PITPNB: variants seen among roughly 807,000 people sequenced by gnomAD.
The protein encoded by PITPNB is phosphatidylinositol transfer protein beta isoform.
In PITPNB, 16 loss-of-function variants were observed where a neutral mutation model predicts 45.9. The observed-to-expected ratio is 0.35, with a 90% CI of 0.24 to 0.53. PITPNB has a LOEUF of 0.53. Among genes scored for constraint, PITPNB ranks in the 20% least tolerant of loss-of-function variants. The probability of loss-of-function intolerance (pLI) is 0.93; values close to 1 mark genes in which losing one functional copy is unlikely to be tolerated. For missense variants in PITPNB, 188 were observed against 330.5 expected, an observed-to-expected ratio of 0.57 and a Z score of 3.34; for synonymous variants, 112 against 108.9, an observed-to-expected ratio of 1.03 and a Z score of -0.18.
chr22:27,905,338 C>T (rs764776313), intron 3 of PITPNB, among the ~76,000 whole-genome samples: 7 of 151,998 alleles, frequency 4.6e-5, no homozygotes, highest in Non-Finnish European at 7.4e-5. Flanking sequence ...TTAGTAGAGA[C>T]GGGGTTTCAC....
At chr22:27,899,196 A>C (rs560512876) in intron 3 of PITPNB, among the ~76,000 whole-genome samples, 1 of 152,372 alleles carries the variant, frequency 6.6e-6, no homozygotes, top group African/African-American at 2.4e-5. Flanking sequence ...AGCTCAAAAA[A>C]TGGTAGTTAC....
At chr22:27,864,119 T>C (rs1934412745) in intron 8 of PITPNB, among the ~76,000 whole-genome samples, 2 of 152,152 alleles carry the variant, frequency 1.3e-5, no homozygotes, top group South Asian at 2.1e-4. Context: ...AACATAAACA[T>C]TACCAGAAGA....
intron 8 of PITPNB, among the ~76,000 whole-genome samples, chr22:27,869,557 C>A (rs538161914): frequency 6.6e-6 from 1 of 152,018 alleles, no homozygotes; most frequent in Non-Finnish European, 1.5e-5. Flanking sequence ...CACGTGAACC[C>A]GGATGTGTTT....
intron 8 of PITPNB, among the ~76,000 whole-genome samples, chr22:27,871,838 G>T (rs1934669383): frequency 6.6e-6 from 1 of 152,050 alleles, no homozygotes; most frequent in Admixed American, 6.5e-5. Context: ...CATCATGACT[G>T]CAGATCCTTC....
chr22:27,905,679 G>T (rs1249889291), intron 3 of PITPNB, among the ~76,000 whole-genome samples: 2 of 152,206 alleles, frequency 1.3e-5, no homozygotes, highest in Non-Finnish European at 2.9e-5. Flanking sequence ...GAAACAAGGT[G>T]GTTCTGGAGT....
At chr22:27,909,517 G>A (rs1427824359) in intron 3 of PITPNB, among the ~76,000 whole-genome samples, 1 of 151,932 alleles carries the variant, frequency 6.6e-6, no homozygotes, top group African/African-American at 2.4e-5. Context: ...AATTCAAATG[G>A]TCAATTAACA....
At chr22:27,867,793 C>T (rs1452680367) in intron 8 of PITPNB, among the ~76,000 whole-genome samples, 2 of 152,202 alleles carry the variant, frequency 1.3e-5, no homozygotes, top group African/African-American at 4.8e-5. Context: ...GTGCCTGAAT[C>T]CTTCAACTCT....
intron 7 of PITPNB, among the ~76,000 whole-genome samples, chr22:27,891,854 T>C (rs1159475606): frequency 4.6e-5 from 7 of 152,210 alleles, no homozygotes; most frequent in African/African-American, 1.2e-4. Context: ...CAGACTAATA[T>C]ACTCTTAAGT....
chr22:27,865,300 A>G (rs1430736817), intron 8 of PITPNB, among the ~76,000 whole-genome samples: 2 of 152,212 alleles, frequency 1.3e-5, no homozygotes, highest in African/African-American at 2.4e-5. Flanking sequence ...TTCTTCTTTC[A>G]CTATAAACAA....
At chr22:27,902,164 C>T (rs577402534) in intron 3 of PITPNB, among the ~76,000 whole-genome samples, 11 of 152,092 alleles carry the variant, frequency 7.2e-5, no homozygotes, top group African/African-American at 2.2e-4. Context: ...CAAGGGTATT[C>T]GGGAAGGCCT....
chr22:27,917,698 G>A (rs181286672), intron 1 of PITPNB, among the ~76,000 whole-genome samples: 2 of 152,172 alleles, frequency 1.3e-5, no homozygotes, highest in Non-Finnish European at 2.9e-5. Context: ...TACATGCGAG[G>A]GACTATTCTA....
At chr22:27,904,973 A>G (rs1012957461) in intron 3 of PITPNB, among the ~76,000 whole-genome samples, 11 of 152,236 alleles carry the variant, frequency 7.2e-5, no homozygotes, top group Admixed American at 5.2e-4. Context: ...AGGAAACAAT[A>G]TATTTCAGAA....
chr22:27,869,068 G>T (rs892380878), intron 8 of PITPNB, among the ~76,000 whole-genome samples: 1 of 151,738 alleles, frequency 6.6e-6, no homozygotes, highest in African/African-American at 2.4e-5. Context: ...AAAACAAATG[G>T]AAACAGGTAC....
In PITPNB at chr22:27,896,638, A is replaced by C; in HGVS notation, c.298-12T>G. 1 of 1,578,274 alleles carries C rather than the reference A, an allele frequency of 6.3e-7. No individual in the cohort carries two copies. The highest frequency in any genetic ancestry group is 8.7e-7 in the Non-Finnish European group (1 of 1,147,352). ...TTCATATATTCATTCTGCAGAAAAC[A>C]CAACAGGAAAATGACAGTGATCTTC... On this transcript the variant is annotated splice_polypyrimidine_tract_variant and intron_variant, in intron 5 of 11. Transcript: ENST00000335272.
intron 8 of PITPNB, among the ~76,000 whole-genome samples, chr22:27,864,946 C>CA (rs774441662): frequency 1.1e-4 from 16 of 140,812 alleles, no homozygotes; most frequent in South Asian, 9.1e-4. Flanking sequence ...AAAAAACTCT[C>CA]AAAAAAAAGA....
intron 8 of PITPNB, among the ~76,000 whole-genome samples, chr22:27,872,432 T>C (rs1272850523): frequency 1.3e-5 from 2 of 152,170 alleles, no homozygotes; most frequent in Non-Finnish European, 2.9e-5. Context: ...TCAGGTTCTT[T>C]GTAATAATGC....
intron 8 of PITPNB, among the ~76,000 whole-genome samples, chr22:27,866,866 C>A (rs1240392007): frequency 6.6e-6 from 1 of 152,180 alleles, no homozygotes; most frequent in Non-Finnish European, 1.5e-5. Context: ...AAATGCACTG[C>A]TGGGAGTGCT....
At chr22:27,891,976 T>C (rs1935293334) in intron 7 of PITPNB, among the ~76,000 whole-genome samples, 1 of 152,208 alleles carries the variant, frequency 6.6e-6, no homozygotes, top group Non-Finnish European at 1.5e-5. Context: ...AGCCTCAGAA[T>C]GGAAATCTGA....
At chr22:27,861,966 G>A (rs1038997905) in intron 8 of PITPNB, among the ~76,000 whole-genome samples, 15 of 152,142 alleles carry the variant, frequency 9.9e-5, no homozygotes, top group African/African-American at 2.4e-4. Flanking sequence ...ACTGCAACAC[G>A]ACGGGGACCC....
Sources: allele counts gnomAD v4.1 joint callset (sites outside exome capture counted in the v4.1 genomes callset), GRCh38; gene constraint gnomAD v4.1.1; transcripts MANE v1.5; gene names NCBI Gene and HGNC (gene_info 2026-07-23, HGNC 2026-07-21).